The following GPC5 variants were observed in gnomAD, a reference collection of about 807,000 sequenced individuals.
GPC5 encodes the protein glypican 5, also known as glypican-5.
Under a neutral mutation model 53.9 loss-of-function variants are expected in GPC5, and 47 were observed. The observed-to-expected ratio is 0.87, with a 90% CI of 0.69 to 1.11. The LOEUF is 1.11. Among genes scored for constraint, GPC5 ranks in the 50% most tolerant of loss-of-function variants. The probability of loss-of-function intolerance (pLI) is 0.00; values close to 1 mark genes in which losing one functional copy is unlikely to be tolerated. For missense variants in GPC5, 748 were observed against 713.1 expected (o/e 1.05, Z -0.56); for synonymous variants, 286 against 263.3 (o/e 1.09, Z -0.84).
chr13:92,854,764 G>A (rs574949235), intron 7 of GPC5, among the ~76,000 whole-genome samples: 34 of 151,984 alleles, frequency 2.2e-4, no homozygotes, highest in Middle Eastern at 3.4e-3. Flanking sequence ...TTTTTGAGTC[G>A]AGTTCCTTAT....
chr13:92,192,813 C>T (rs1391234683), intron 7 of GPC5, among the ~76,000 whole-genome samples: 2 of 152,124 alleles, frequency 1.3e-5, no homozygotes, highest in Non-Finnish European at 1.5e-5. Context: ...ATGACAAATA[C>T]ACATATTTTT....
At chr13:91,962,852 A>G (rs527891995) in intron 6 of GPC5, among the ~76,000 whole-genome samples, 1 of 152,314 alleles carries the variant, frequency 6.6e-6, no homozygotes, top group East Asian at 1.9e-4. Context: ...CCTTCAGGCC[A>G]ATTTAGCCTA....
At chr13:92,448,037 C>T (rs1156784199) in intron 7 of GPC5, 1 of 152,022 alleles carries the variant, frequency 6.6e-6, no homozygotes, top group Non-Finnish European at 1.5e-5. Flanking sequence ...TATCGAACAG[C>T]AATTAAAAGG....
At chr13:91,571,937 A>ATACGTGTG (rs1566516260) in intron 2 of GPC5, among the ~76,000 whole-genome samples, 9 of 133,942 alleles carry the variant, frequency 6.7e-5, no homozygotes, top group Non-Finnish European at 1.3e-4. Flanking sequence ...ATATACACAC[A>ATACGTGTG]TGTATATACA....
intron 7 of GPC5, among the ~76,000 whole-genome samples, chr13:92,656,435 A>C (rs898601915): frequency 6.6e-6 from 1 of 152,150 alleles, no homozygotes; most frequent in African/African-American, 2.4e-5. Context: ...AGTTAGTGGA[A>C]GTTAGTGGCA....
intron 1 of GPC5, among the ~76,000 whole-genome samples, chr13:91,437,854 A>G (rs1236398880): frequency 1.3e-5 from 2 of 152,042 alleles, no homozygotes; most frequent in South Asian, 2.1e-4. Context: ...GGCTTTGTTC[A>G]TTTCTTTTTA....
intron 7 of GPC5, among the ~76,000 whole-genome samples, chr13:92,369,825 G>A (rs9561021): frequency 0.042 from 6,457 of 152,244 alleles, 254 homozygotes; most frequent in East Asian, 0.19. Context: ...TCAAGATACC[G>A]AAATAAGTCC....
chr13:92,360,681 T>G (rs1357396271), intron 7 of GPC5, among the ~76,000 whole-genome samples: 1 of 151,584 alleles, frequency 6.6e-6, no homozygotes, highest in Non-Finnish European at 1.5e-5. Context: ...AGAGAGAAAG[T>G]CAAACCATCC....
intron 7 of GPC5, among the ~76,000 whole-genome samples, chr13:92,824,302 A>G (rs1021347893): frequency 6.6e-6 from 1 of 152,102 alleles, no homozygotes; most frequent in African/African-American, 2.4e-5. Flanking sequence ...AGCAGACGAC[A>G]GGAGTTTTCC....
At chr13:92,307,840 G>GT (rs1390415418) in intron 7 of GPC5, among the ~76,000 whole-genome samples, 1 of 152,216 alleles carries the variant, frequency 6.6e-6, no homozygotes, top group East Asian at 1.9e-4. Flanking sequence ...CTATAAGGCA[G>GT]TAAGTGGTTA....
chr13:92,544,599 CAT>C (rs774229124), intron 7 of GPC5, among the ~76,000 whole-genome samples: 1 of 152,134 alleles, frequency 6.6e-6, no homozygotes, highest in Admixed American at 6.5e-5. Flanking sequence ...TTTCCCAACA[CAT>C]GTGTCAAATA....
At chr13:92,090,175 C>T (rs2041368746) in intron 6 of GPC5, among the ~76,000 whole-genome samples, 1 of 152,072 alleles carries the variant, frequency 6.6e-6, no homozygotes, top group Non-Finnish European at 1.5e-5. Context: ...AATTCAGTTT[C>T]TTGTTGTTTT....
At chr13:92,164,146 A>G (rs990907480) in intron 7 of GPC5, among the ~76,000 whole-genome samples, 3 of 152,190 alleles carry the variant, frequency 2.0e-5, no homozygotes, top group African/African-American at 7.2e-5. Context: ...GACCCAGATC[A>G]TATCATTCTG....
chr13:92,704,896 T>TA (rs5805757), intron 7 of GPC5, among the ~76,000 whole-genome samples: 2 of 151,026 alleles, frequency 1.3e-5, no homozygotes, highest in South Asian at 4.2e-4. Flanking sequence ...TGTATATATA[T>TA]GAGTATATAT....
chr13:91,913,501 A>G (rs1174258496), intron 6 of GPC5, among the ~76,000 whole-genome samples: 2 of 151,988 alleles, frequency 1.3e-5, no homozygotes, highest in African/African-American at 4.8e-5. Context: ...CAAGCCCTAT[A>G]TTTATATTCT....
chr13:92,115,509 T>C (rs2138934452), intron 6 of GPC5, among the ~76,000 whole-genome samples: 1 of 152,124 alleles, frequency 6.6e-6, no homozygotes, highest in East Asian at 1.9e-4. Context: ...ATCTCAAAAC[T>C]GTTCCACACC....
intron 7 of GPC5, among the ~76,000 whole-genome samples, chr13:92,702,884 G>T (rs1413184200): frequency 6.6e-6 from 1 of 151,706 alleles, no homozygotes; most frequent in East Asian, 1.9e-4. Context: ...CAGCACCACT[G>T]GTCTCCTTGG....
intron 6 of GPC5, among the ~76,000 whole-genome samples, chr13:92,047,446 T>C (rs897282609): frequency 6.6e-6 from 1 of 150,382 alleles, no homozygotes; most frequent in Admixed American, 6.6e-5. Context: ...ATATATATTT[T>C]TTTTTCCTTA....
intron 7 of GPC5, among the ~76,000 whole-genome samples, chr13:92,832,061 G>C (rs986663728): frequency 3.3e-5 from 5 of 151,912 alleles, no homozygotes; most frequent in African/African-American, 9.7e-5. Context: ...CTGAGGCCAG[G>C]AAATGAATGA....
Sources: gnomAD v4.1 joint callset for allele counts (sites outside exome capture counted in the v4.1 genomes callset) on GRCh38, gnomAD v4.1.1 for gene constraint, MANE v1.5 for transcripts, NCBI Gene and HGNC (gene_info 2026-07-23, HGNC 2026-07-21) for gene names.